Variants in TNNI3K observed in about 807,000 individuals in gnomAD.
The protein encoded by TNNI3K is serine/threonine-protein kinase TNNI3K.
TNNI3K carries 140 observed loss-of-function variants against 114.5 expected under a neutral mutation model. That is an observed-to-expected ratio of 1.22 (90% CI 1.07 to 1.41). The LOEUF is 1.41. TNNI3K is among the 40% of genes most tolerant of loss of function. The pLI is 0.00. For synonymous variants in TNNI3K, 347 were observed against 347.5 expected, an observed-to-expected ratio of 1.00 and a Z score of 0.02; for missense variants, 1,125 against 1,007.6, an observed-to-expected ratio of 1.12 and a Z score of -1.58.
intron 23 of TNNI3K, among the ~76,000 whole-genome samples, chr1:74,508,586 G>T (rs140304548): frequency 9.3e-4 from 142 of 152,316 alleles, no homozygotes; most frequent in Non-Finnish European, 1.5e-3. Flanking sequence ...GAGGCAGACT[G>T]CATTCAGAGG....
At chr1:74,293,456 A>G (rs1657799596) in intron 5 of TNNI3K, among the ~76,000 whole-genome samples, 2 of 151,740 alleles carry the variant, frequency 1.3e-5, no homozygotes, top group African/African-American at 4.8e-5. Flanking sequence ...ATTTTATTAT[A>G]TATTAAAATC....
rs1646543081 is a variant in TNNI3K, at chr1:74,528,886, C to A, written c.2352-11348C>A. On this transcript the variant is annotated intron_variant, in intron 23 of 24. Transcript: ENST00000326637. Reference sequence around the variant, plus strand: ...CTTGAAGAAATGACAGACTTTAAGGCTGACACAAGGAAGGTACAAAACAAG... The same window carrying A: ...CTTGAAGAAATGACAGACTTTAAGGATGACACAAGGAAGGTACAAAACAAG... Among the ~76,000 whole-genome samples the A allele has an allele frequency of 2.0e-5, 3 of 152,094 alleles. No individual in the cohort carries two copies. In the South Asian group the frequency reaches 6.2e-4, roughly 32 times the overall value.
At chr1:74,239,929 C>A (rs1654081361) in intron 2 of TNNI3K, 2 of 469,618 alleles carry the variant, frequency 4.3e-6, no homozygotes, top group South Asian at 3.1e-5. Context: ...AAGTTGCATT[C>A]ACTCATAACT....
intron 5 of TNNI3K, among the ~76,000 whole-genome samples, chr1:74,329,395 T>C (rs541590097): frequency 6.5e-4 from 99 of 152,222 alleles, no homozygotes; most frequent in Non-Finnish European, 1.1e-3. Flanking sequence ...ATTCTCCTGA[T>C]CATTAGTCAG....
intron 21 of TNNI3K, chr1:74,470,277 A>C (rs1040757265): frequency 2.5e-6 from 1 of 400,648 alleles, no homozygotes; most frequent in Non-Finnish European, 4.4e-6. Context: ...CATTTTCCCA[A>C]GTTTGCTGCC....
In TNNI3K at chr1:74,391,957, A is replaced by ATTATTTTTTTTTTT. The variant is rs1369570973; in HGVS notation, c.1772+21567_1772+21568insATTTTTTTTTTTTT. ...TTGATTTAGGATGGTACAGCTTATTATTTTTTTTTTTTTTTTTTTTTTTTT... is the reference window on the plus strand; with the variant it reads ...TTGATTTAGGATGGTACAGCTTATTATTATTTTTTTTTTTTTTTTTTTTTTTTTTTTTTTTTTTT... On this transcript the variant is annotated intron_variant, in intron 17 of 24. Transcript: ENST00000326637. Among the ~76,000 whole-genome samples, 157 of 93,016 alleles carry ATTATTTTTTTTTTT rather than the reference A, an allele frequency of 1.7e-3. 6 individuals are homozygous for ATTATTTTTTTTTTT. Among genetic ancestry groups the ATTATTTTTTTTTTT allele is most frequent in the South Asian group, 2.5e-3 (7 of 2,746 alleles). The allele number at this position is 93,016 out of a possible 152,430, so 61.0% of individuals were successfully genotyped here.
At chr1:74,504,141 G>A (rs1669771631) in intron 23 of TNNI3K, among the ~76,000 whole-genome samples, 1 of 152,116 alleles carries the variant, frequency 6.6e-6, no homozygotes, top group African/African-American at 2.4e-5. Context: ...GTGAAAGGAG[G>A]GCTATAAATT....
At chr1:74,380,474 T>G (rs985816126) in intron 17 of TNNI3K, among the ~76,000 whole-genome samples, 28 of 152,032 alleles carry the variant, frequency 1.8e-4, no homozygotes, top group African/African-American at 5.6e-4. Context: ...TGTAACAATG[T>G]CACCTTCCCG....
chr1:74,451,955 T>C lies in TNNI3K; in HGVS notation c.2012-11486T>C, dbSNP rs1219137059. On this transcript the variant is annotated intron_variant, in intron 20 of 24. Transcript: ENST00000326637. ...TGACTGTTCTTTCTTGGTTTATTTT[T>C]GTTTTCTTTTCCTCTCCAATCTCTA... is the stretch of plus-strand genomic sequence containing the variant. Among the ~76,000 whole-genome samples, 3 of 151,880 alleles carry C rather than the reference T, an allele frequency of 2.0e-5. No homozygotes were observed. The East Asian group carries it at 5.8e-4, about 29-fold the overall frequency.
chr1:74,264,929 TGTAAG>T (rs1476279990), intron 4 of TNNI3K, among the ~76,000 whole-genome samples: 1 of 152,012 alleles, frequency 6.6e-6, no homozygotes, highest in East Asian at 1.9e-4. Flanking sequence ...ATTACAATCT[TGTAAG>T]GTAAGTAAGG....
At position 74,457,628 on chromosome 1, in the gene TNNI3K, G is replaced by C. The variant is rs192144462; in HGVS notation, c.2012-5813G>C. Among the ~76,000 whole-genome samples, 13 of 152,242 alleles carry C rather than the reference G, an allele frequency of 8.5e-5. No homozygotes were observed. In the South Asian group the frequency reaches 2.3e-3, roughly 27 times the overall value. On this transcript the variant is annotated intron_variant, in intron 20 of 24. Coordinates refer to ENST00000326637, the MANE Select transcript of TNNI3K (RefSeq NM_015978.3). ...AAGTTGAAAAATTAAGATACTTCTG[G>C]CAATTTTATATTGGTCAAAACTTAC...
At chr1:74,419,906 A>AT (rs1665313022) in intron 17 of TNNI3K, among the ~76,000 whole-genome samples, 1 of 152,130 alleles carries the variant, frequency 6.6e-6, no homozygotes, top group Non-Finnish European at 1.5e-5. Flanking sequence ...TAAGATACAT[A>AT]AATATTGTAT....
intron 21 of TNNI3K, among the ~76,000 whole-genome samples, chr1:74,482,373 G>T (rs1235857899): frequency 6.6e-6 from 1 of 152,202 alleles, no homozygotes; most frequent in African/African-American, 2.4e-5. Context: ...GTTTCTTACA[G>T]ACATCAACTG....
rs191355110 is a variant in TNNI3K at position 74,242,707 on chromosome 1, G to A, written c.149+6497G>A. ...CAAAAAAAACCCTCAAATCCAAAAG[G>A]AAACAAAGAATTCATAATGCCCTAA... On this transcript the variant is annotated intron_variant, in intron 2 of 24. Transcript: ENST00000326637. Among the ~76,000 whole-genome samples, 578 of 152,186 alleles carry A rather than the reference G, an allele frequency of 3.8e-3. 7 individuals carry two copies. Among genetic ancestry groups the A allele is most frequent in the Non-Finnish European group, 2.4e-3 (161 of 67,978 alleles).
intron 20 of TNNI3K, among the ~76,000 whole-genome samples, chr1:74,451,627 CT>C: frequency 7.3e-6 from 1 of 137,538 alleles, no homozygotes; most frequent in African/African-American, 3.2e-5. Flanking sequence ...TCCTTCCTTC[CT>C]TTTCTTTTTC....
intron 17 of TNNI3K, among the ~76,000 whole-genome samples, chr1:74,402,485 A>G (rs1385397139): frequency 6.6e-6 from 1 of 152,228 alleles, no homozygotes; most frequent in African/African-American, 2.4e-5. Flanking sequence ...GGCAAGTTGA[A>G]TCAAAACTCG....
At chr1:74,355,443 A>C (rs1661601774) in intron 11 of TNNI3K, among the ~76,000 whole-genome samples, 1 of 152,046 alleles carries the variant, frequency 6.6e-6, no homozygotes, top group Non-Finnish European at 1.5e-5. Context: ...GTCTCTACTA[A>C]AAATACAAAA....
chr1:74,467,087 G>A (rs186717251), intron 21 of TNNI3K, among the ~76,000 whole-genome samples: 4 of 152,258 alleles, frequency 2.6e-5, no homozygotes, highest in East Asian at 3.9e-4. Context: ...TTGAGCTGAG[G>A]CCATAAACAG....
At chr1:74,409,680 G>A (rs1316544519) in intron 17 of TNNI3K, among the ~76,000 whole-genome samples, 1 of 151,730 alleles carries the variant, frequency 6.6e-6, no homozygotes. Flanking sequence ...TTTTAGTGGA[G>A]ATGAGTTTTC....
Sources: gnomAD v4.1 joint callset for allele counts (sites outside exome capture counted in the v4.1 genomes callset) on GRCh38, gnomAD v4.1.1 for gene constraint, MANE v1.5 for transcripts, NCBI Gene and HGNC (gene_info 2026-07-23, HGNC 2026-07-21) for gene names.